The following SERINC2 variants were observed in gnomAD, a reference collection of about 807,000 sequenced individuals.
SERINC2 encodes serine incorporator 2, also known as tumor differentially expressed protein 2.
In SERINC2, 56 loss-of-function variants were observed where a neutral mutation model predicts 54.2. The ratio of observed to expected loss-of-function variants is 1.03; its 90% confidence interval spans 0.83 to 1.29. The LOEUF (loss-of-function observed/expected upper bound fraction) is 1.29, where lower values mean the gene tolerates loss of function less well. SERINC2 is among the 50% of genes most tolerant of loss of function. The pLI, the probability that SERINC2 is intolerant of heterozygous loss-of-function variation, is 0.00. For missense variants in SERINC2, 614 were observed against 607.4 expected (o/e 1.01, Z -0.12); for synonymous variants, 272 against 253.1 (o/e 1.07, Z -0.71).
rs1641051912 is a variant in SERINC2 at position 31,426,703 on chromosome 1, G to T, written c.660G>T (p.Val220=). Residue 220 remains valine (V), a synonymous_variant, in exon 6 of 10, where the codon GTG becomes GTT. Transcript: ENST00000373709. The part of the protein sequence containing the change: ...LLFYLLSIAA[V]ALMFMYYTEP... ...TCTACTTGCTGTCGATCGCGGCCGT[G>T]GCGCTGATGTTCATGTACTACACTG... 1 of 1,613,520 alleles carries T rather than the reference G, an allele frequency of 6.2e-7. No homozygotes were observed. The highest frequency in any genetic ancestry group is 1.1e-5 in the South Asian group (1 of 91,066).
At chr1:31,424,929 TCC>T in intron 3 of SERINC2, 56 bp downstream of exon 3, 1 of 1,447,472 alleles carries the variant, frequency 6.9e-7, no homozygotes, top group Non-Finnish European at 9.4e-7. Context: ...CCTTGCCCGC[TCC>T]TCTGCCTGTC....
upstream of SERINC2, chr1:31,409,956 A>G: frequency 8.9e-7 from 1 of 1,122,422 alleles, no homozygotes; most frequent in South Asian, 1.6e-5. Context: ...AGATCAGATT[A>G]GAGAACCTTG....
intron 8 of SERINC2, among the ~76,000 whole-genome samples, chr1:31,431,333 GC>G (rs1553134437): frequency 1.5e-5 from 2 of 133,900 alleles, no homozygotes. Flanking sequence ...ACACTATGTT[GC>G]CCAGGATGGC....
chr1:31,411,102 T>C (rs1331829416), upstream of SERINC2, among the ~76,000 whole-genome samples: 1 of 152,216 alleles, frequency 6.6e-6, no homozygotes, highest in Non-Finnish European at 1.5e-5. Context: ...GGCCCTGTAC[T>C]GTGCTCTGGG....
rs1210854089 is a variant in SERINC2 at position 31,413,340 on chromosome 1, G to A, written c.39+36G>A. On this transcript the variant is annotated intron_variant, in intron 1 of 9. Coordinates refer to ENST00000373709, the MANE Select transcript of SERINC2 (RefSeq NM_178865.5). The surrounding 1 kb of genome is among the most constrained non-coding windows in gnomAD (Gnocchi z 5.0). ...ACCCCGGCGCCCGCCCGCGCGCGCC[G>A]CCCGTTCCTGCTGCGGGCCCTCACT... The A allele has an allele frequency of 7.0e-5, 79 of 1,130,706 alleles. No homozygotes were observed. Among genetic ancestry groups the A allele is most frequent in the Admixed American group, 5.9e-4 (14 of 23,872 alleles). The allele number at this position is 1,130,706 out of a possible 1,614,324, so 70.0% of individuals were successfully genotyped here.
At position 31,424,764 on chromosome 1, in the gene SERINC2, C is replaced by T. The variant is rs782066463; in HGVS notation, c.283C>T (p.Arg95Cys). 21 of 1,611,612 alleles carry T rather than the reference C, an allele frequency of 1.3e-5. No homozygotes were observed. Among genetic ancestry groups the T allele is most frequent in the African/African-American group, 2.7e-5 (2 of 74,914 alleles). Residue 95 changes from arginine to cysteine, a missense_variant, in exon 3 of 10, where the codon CGC becomes TGC. Transcript: ENST00000373709. ...CGACTGTGGCTCCCTGCTTGGCTAC[C>T]GCGCTGTCTACCGCATGTGCTTCGC... ...HIDCGSLLGY[R>C]AVYRMCFATA...
At position 31,413,838 on chromosome 1, in the gene SERINC2, C is replaced by T; in HGVS notation, c.39+534C>T. ...GTATTTGTCTGGTTCCTGTCTGTGT[C>T]CGTCGTTCGTCCGACTGTCTTTGTC... On this transcript the variant is annotated intron_variant, in intron 1 of 9. Transcript: ENST00000373709. This position sits in a 1 kb window ranked among gnomAD's most constrained non-coding sequence, Gnocchi z 5.0. The T allele has an allele frequency of 7.1e-7, 1 of 1,412,504 alleles. No individual in the cohort carries two copies. The highest frequency in any genetic ancestry group is 1.5e-5 in the South Asian group (1 of 65,006). The allele number at this position is 1,412,504 out of a possible 1,614,324, so 87.5% of individuals were successfully genotyped here. A position where few individuals can be genotyped will look rare whatever the true frequency, so the allele number is the denominator to read the frequency against.
chr1:31,413,870 C>T lies in SERINC2; in HGVS notation c.39+566C>T. On this transcript the variant is annotated intron_variant, in intron 1 of 9. Transcript: ENST00000373709. The surrounding 1 kb of genome is among the most constrained non-coding windows in gnomAD (Gnocchi z 5.0). The stretch of plus-strand genomic sequence containing the variant: ...TCGTCCGACTGTCTTTGTCCGTCTG[C>T]TGTCTTCTGTCCGTCTGCCCGTCCG... 1.4e-6 allele frequency: 2 copies of T among 1,438,942 alleles called. No homozygotes were observed. Among genetic ancestry groups the T allele is most frequent in the Admixed American group, 2.6e-5 (1 of 37,748 alleles). 89.1% of individuals were successfully genotyped at this position (1,438,942 alleles called of 1,614,324 possible). A position where few individuals can be genotyped will look rare whatever the true frequency, so the allele number is the denominator to read the frequency against.
In SERINC2 at chr1:31,413,784, C is replaced by G. The variant is rs1473262406; in HGVS notation, c.39+480C>G. On this transcript the variant is annotated intron_variant, in intron 1 of 9. Coordinates refer to ENST00000373709, the MANE Select transcript of SERINC2 (RefSeq NM_178865.5). This position sits in a 1 kb window ranked among gnomAD's most constrained non-coding sequence, Gnocchi z 5.0. ...CTGGCCGCCTGCCAGTCCGCCTGTT[C>G]CTGTCGCTCGGGCTCCGCCTGTCCG... 4 of 1,366,152 alleles carry G rather than the reference C, an allele frequency of 2.9e-6. No homozygotes were observed. The highest frequency in any genetic ancestry group is 3.8e-6 in the Non-Finnish European group (4 of 1,065,832). 84.6% of individuals were successfully genotyped at this position (1,366,152 alleles called of 1,614,324 possible).
At chr1:31,429,588 G>T in intron 8 of SERINC2, 50 bp downstream of exon 8, 1 of 1,542,210 alleles carries the variant, frequency 6.5e-7, no homozygotes, top group Admixed American at 1.9e-5. Context: ...AGGGCCCTGA[G>T]CCAGAGTGAG....
chr1:31,431,806 AGGGT>A lies in SERINC2; in HGVS notation c.1014-1158_1014-1155del, dbSNP rs1553134517. 2.0e-3 allele frequency among the ~76,000 whole-genome samples: 284 copies of A among 145,114 alleles called. 3 individuals carry two copies. Among genetic ancestry groups the A allele is most frequent in the South Asian group, 7.3e-3 (33 of 4,496 alleles). On this transcript the variant is annotated intron_variant, in intron 8 of 9. Transcript: ENST00000373709. ...GGTGGATAGGGTGGATAGGGTGGACAGGGTGGACAGGGTGGATAGGGTGGATAGG... is the reference window on the plus strand; with the variant it reads ...GGTGGATAGGGTGGATAGGGTGGACAGGACAGGGTGGATAGGGTGGATAGG...
chr1:31,417,475 C>A (rs1640807671), intron 1 of SERINC2, among the ~76,000 whole-genome samples: 1 of 152,096 alleles, frequency 6.6e-6, no homozygotes, highest in Non-Finnish European at 1.5e-5. Flanking sequence ...CTGGGAATAC[C>A]CTTCTCGCCT....
upstream of SERINC2, among the ~76,000 whole-genome samples, chr1:31,412,033 G>T (rs1394722016): frequency 1.3e-5 from 2 of 150,898 alleles, no homozygotes; most frequent in African/African-American, 2.4e-5. Context: ...AAAAAGAGGA[G>T]GGCATTGTGT....
rs148699108 is a variant in SERINC2, at chr1:31,434,185, C to T, written c.1354C>T (p.Arg452Cys). 139 of 1,613,190 alleles carry T rather than the reference C, an allele frequency of 8.6e-5. No homozygotes were observed. The highest frequency in any genetic ancestry group is 5.3e-4 in the African/African-American group (40 of 74,902). The part of the protein sequence containing the change: ...TLVAPLLLRN[R>C]DFS ...GGTAGCCCCACTCCTCCTGCGCAAC[C>T]GCGACTTCAGCTGAGGCAGCCTCAC... Residue 452 changes from arginine to cysteine, a missense_variant, in exon 10 of 10, where the codon CGC becomes TGC. Transcript: ENST00000373709.
At chr1:31,415,677 A>G (rs782615862) in intron 1 of SERINC2, among the ~76,000 whole-genome samples, 7 of 152,242 alleles carry the variant, frequency 4.6e-5, no homozygotes, top group Non-Finnish European at 1.0e-4. Flanking sequence ...CCACAGCCAC[A>G]CAACATTAAG....
chr1:31,432,240 G>A (rs1410231161), intron 8 of SERINC2, among the ~76,000 whole-genome samples: 1 of 151,128 alleles, frequency 6.6e-6, no homozygotes, highest in Non-Finnish European at 1.5e-5. Context: ...GGGACCCACT[G>A]ACTCACAGCA....
chr1:31,431,302 A>ATTTT (rs113450135), intron 8 of SERINC2, among the ~76,000 whole-genome samples: 1 of 143,586 alleles, frequency 7.0e-6, no homozygotes, highest in Non-Finnish European at 1.5e-5. Context: ...TTAAAAAAAC[A>ATTTT]TTTTTTTTTT....
upstream of SERINC2, chr1:31,410,282 G>C (rs1640626051): frequency 6.6e-7 from 1 of 1,513,362 alleles, no homozygotes; most frequent in South Asian, 1.3e-5. Flanking sequence ...TGATGGGCTG[G>C]CCAGGACACC....
At chr1:31,412,435 T>A (rs1640666858), upstream of SERINC2, among the ~76,000 whole-genome samples, 1 of 152,070 alleles carries the variant, frequency 6.6e-6, no homozygotes, top group South Asian at 2.1e-4. Flanking sequence ...CCCAGCAGGC[T>A]GTTGGGAGTC....
Sources: gnomAD v4.1 joint callset for allele counts (sites outside exome capture counted in the v4.1 genomes callset) on GRCh38, gnomAD v4.1.1 for gene constraint, Gnocchi (gnomAD v3.1) non-coding constraint, MANE v1.5 for transcripts, NCBI Gene and HGNC (gene_info 2026-07-23, HGNC 2026-07-21) for gene names.